ATP8A2: variants seen among roughly 807,000 people sequenced by gnomAD.
The protein encoded by ATP8A2 is ATPase phospholipid transporting 8A2.
Under a neutral mutation model 165.6 loss-of-function variants are expected in ATP8A2, and 100 were observed. The ratio of observed to expected loss-of-function variants is 0.60; its 90% confidence interval spans 0.51 to 0.71. The LOEUF is 0.71. Ranked by LOEUF, ATP8A2 falls within the 30% of genes least tolerant of loss-of-function variation. The pLI is 0.00. For missense variants in ATP8A2, 1,227 were observed against 1,479.5 expected, an observed-to-expected ratio of 0.83 and a Z score of 2.80; for synonymous variants, 543 against 548.8, an observed-to-expected ratio of 0.99 and a Z score of 0.15.
intron 1 of ATP8A2, 138 bp from the exon 2 acceptor site, chr13:25,468,839 A>G (rs2035750263): frequency 1.5e-6 from 2 of 1,361,384 alleles, no homozygotes; most frequent in Non-Finnish European, 1.9e-6. Flanking sequence ...GGGGGAGCCA[A>G]GGTACGTAGG....
At chr13:25,521,727 A>G (rs1313950251) in intron 2 of ATP8A2, among the ~76,000 whole-genome samples, 1 of 151,562 alleles carries the variant, frequency 6.6e-6, no homozygotes, top group East Asian at 1.9e-4. Context: ...CTCTTTTTTT[A>G]AGAGATGGGG....
intron 25 of ATP8A2, among the ~76,000 whole-genome samples, chr13:25,731,848 T>A (rs995733705): frequency 1.3e-5 from 2 of 152,244 alleles, no homozygotes; most frequent in Admixed American, 6.5e-5. Flanking sequence ...AGCAAGAGTC[T>A]TGCTAACATC....
intron 9 of ATP8A2, 68 bp from the exon 10 acceptor site, chr13:25,543,223 T>C: frequency 1.0e-6 from 1 of 1,001,738 alleles, no homozygotes; most frequent in South Asian, 1.4e-5. Context: ...TGGGTTCATG[T>C]TTAAGGGAAA....
chr13:25,869,353 A>G (rs1245753320), intron 33 of ATP8A2, among the ~76,000 whole-genome samples: 1 of 152,112 alleles, frequency 6.6e-6, no homozygotes. Context: ...TTCTTTCTAC[A>G]GGCGGTGATG....
intron 35 of ATP8A2, among the ~76,000 whole-genome samples, chr13:25,984,818 T>G (rs1956243329): frequency 1.3e-5 from 2 of 152,162 alleles, no homozygotes; most frequent in South Asian, 4.1e-4. Flanking sequence ...CTCGGCAGCA[T>G]GATCACGCAG....
At chr13:25,435,920 TGTGTGTGTGTG>T (rs2034748917) in intron 1 of ATP8A2, among the ~76,000 whole-genome samples, 1 of 54,250 alleles carries the variant, frequency 1.8e-5, no homozygotes, top group African/African-American at 5.1e-5. Context: ...ATCGTGTGTG[TGTGTGTGTGTG>T]AGTGTGTGTG....
chr13:25,738,776 T>C (rs1171087213), intron 25 of ATP8A2, among the ~76,000 whole-genome samples: 1 of 152,252 alleles, frequency 6.6e-6, no homozygotes, highest in Non-Finnish European at 1.5e-5. Context: ...ATACAAGATT[T>C]ATAGTTGTTT....
At chr13:25,837,467 A>G (rs911539254) in intron 29 of ATP8A2, among the ~76,000 whole-genome samples, 182 bp downstream of exon 29, 1 of 120,292 alleles carries the variant, frequency 8.3e-6, no homozygotes, top group African/African-American at 3.1e-5. Flanking sequence ...ACACACACAC[A>G]CACGCCACAA....
rs1593389616 is a variant in ATP8A2, at chr13:25,814,870, A to G, written c.2680-13248A>G. ...ATCTCTACCAAATAAAAATACAAAA[A>G]TTAGCCAGTTGTAGTGGCGCATTCC... is the stretch of plus-strand genomic sequence containing the variant. On this transcript the variant is annotated intron_variant, in intron 27 of 36. Transcript: ENST00000381655. 3.3e-5 allele frequency among the ~76,000 whole-genome samples: 5 copies of G among 152,160 alleles called. No individual in the cohort carries two copies. The South Asian group carries it at 1.0e-3, about 32-fold the overall frequency.
chr13:25,902,822 C>G (rs889065039), intron 33 of ATP8A2, among the ~76,000 whole-genome samples: 1 of 152,094 alleles, frequency 6.6e-6, no homozygotes, highest in Non-Finnish European at 1.5e-5. Flanking sequence ...CACAGGCCCA[C>G]GCTGGTTGAG....
At chr13:25,436,675 A>G (rs1337448504) in intron 1 of ATP8A2, among the ~76,000 whole-genome samples, 1 of 152,194 alleles carries the variant, frequency 6.6e-6, no homozygotes, top group Non-Finnish European at 1.5e-5. Flanking sequence ...TCTTTGAGAA[A>G]TCTCCAAACT....
At chr13:25,968,029 C>T (rs372389202) in intron 34 of ATP8A2, among the ~76,000 whole-genome samples, 1 of 152,306 alleles carries the variant, frequency 6.6e-6, no homozygotes. Context: ...GTTGACTCCA[C>T]GTTTCAAGCC....
At chr13:25,374,434 G>A (rs1453735249) in intron 1 of ATP8A2, among the ~76,000 whole-genome samples, 13 of 152,210 alleles carry the variant, frequency 8.5e-5, no homozygotes, top group Non-Finnish European at 1.5e-5. Flanking sequence ...AAGGCAGGGG[G>A]AGAAGCAGAT....
intron 25 of ATP8A2, among the ~76,000 whole-genome samples, chr13:25,719,726 T>G (rs947436218): frequency 6.6e-5 from 10 of 152,334 alleles, no homozygotes; most frequent in Admixed American, 2.0e-4. Flanking sequence ...ATGACTAGCC[T>G]GTCAGAATCA....
chr13:25,571,841 A>G (rs758021197), intron 18 of ATP8A2, 149 bp downstream of exon 18: 51 of 763,472 alleles, frequency 6.7e-5, no homozygotes, highest in Non-Finnish European at 1.2e-4. Flanking sequence ...ATGTGATTAT[A>G]TTAGCTTGTT....
chr13:26,010,673 C>T (rs1444293170), intron 35 of ATP8A2, among the ~76,000 whole-genome samples: 2 of 152,298 alleles, frequency 1.3e-5, no homozygotes, highest in Non-Finnish European at 1.5e-5. Context: ...GCCACGGGCT[C>T]ACTCCTCCTG....
intron 24 of ATP8A2, among the ~76,000 whole-genome samples, chr13:25,692,407 G>A (rs1054931184): frequency 2.6e-4 from 39 of 152,292 alleles, no homozygotes; most frequent in African/African-American, 8.9e-4. Context: ...ATCCCTCGTG[G>A]CCCTGCCGAG....
At chr13:25,805,023 C>A (rs186552626) in intron 27 of ATP8A2, among the ~76,000 whole-genome samples, 1 of 152,280 alleles carries the variant, frequency 6.6e-6, no homozygotes, top group Non-Finnish European at 1.5e-5. Flanking sequence ...CAGTTGCCAG[C>A]TTCTGTTTTC....
intron 24 of ATP8A2, among the ~76,000 whole-genome samples, chr13:25,675,136 G>A (rs1246780136): frequency 1.3e-5 from 2 of 152,200 alleles, no homozygotes; most frequent in Non-Finnish European, 2.9e-5. Flanking sequence ...GTGAGCATAT[G>A]AAGCAGACAT....
Sources: allele counts gnomAD v4.1 joint callset (sites outside exome capture counted in the v4.1 genomes callset), GRCh38; gene constraint gnomAD v4.1.1; transcripts MANE v1.5; gene names NCBI Gene and HGNC (gene_info 2026-07-23, HGNC 2026-07-21).